The following CELF4 variants were observed in gnomAD, a reference collection of about 807,000 sequenced individuals.
CELF4 encodes the protein CUG-BP- and ETR-3-like factor 4.
CELF4 carries 18 observed loss-of-function variants against 59.9 expected under a neutral mutation model. The observed-to-expected ratio is 0.30, with a 90% CI of 0.21 to 0.45. The LOEUF (loss-of-function observed/expected upper bound fraction) is 0.45, where lower values mean the gene tolerates loss of function less well. CELF4 is among the 20% of genes least tolerant of loss of function. CELF4 has a pLI of 1.00. For synonymous variants in CELF4, 261 were observed against 267.1 expected (o/e 0.98, Z 0.22); for missense variants, 456 against 689.0 (o/e 0.66, Z 3.79).
At chr18:37,375,086 C>T (rs1315111032) in intron 2 of CELF4, among the ~76,000 whole-genome samples, 1 of 152,158 alleles carries the variant, frequency 6.6e-6, no homozygotes, top group African/African-American at 2.4e-5. Flanking sequence ...TTGGCTGCAG[C>T]TGGCCTAGGC....
intron 3 of CELF4, among the ~76,000 whole-genome samples, chr18:37,282,420 C>T (rs930954424): frequency 1.3e-5 from 2 of 152,196 alleles, no homozygotes; most frequent in Non-Finnish European, 2.9e-5. Flanking sequence ...CATGAATTCT[C>T]CCAATCCAGA....
intron 2 of CELF4, among the ~76,000 whole-genome samples, chr18:37,353,229 A>ATAT (rs1210213859): frequency 7.3e-5 from 5 of 68,674 alleles, no homozygotes; most frequent in African/African-American, 2.8e-4. Context: ...TCAAAAAAAA[A>ATAT]AAAAATATAT....
chr18:37,417,556 C>T (rs568396519), intron 2 of CELF4, among the ~76,000 whole-genome samples: 5 of 152,316 alleles, frequency 3.3e-5, no homozygotes, highest in Non-Finnish European at 5.9e-5. Context: ...TTTGGAAGCC[C>T]GTAGGGCAGG....
chr18:37,559,022 G>A (rs1352390423), intron 1 of CELF4, among the ~76,000 whole-genome samples: 1 of 152,036 alleles, frequency 6.6e-6, no homozygotes, highest in Non-Finnish European at 1.5e-5. Context: ...GGTGGGGAAT[G>A]AGGATGGAAC....
intron 2 of CELF4, among the ~76,000 whole-genome samples, chr18:37,351,110 T>TG (rs999541045): frequency 2.6e-5 from 4 of 151,438 alleles, no homozygotes; most frequent in African/African-American, 9.7e-5. Flanking sequence ...AAGGTGCTGG[T>TG]GGGGGAGAGG....
chr18:37,440,032 T>C (rs1256431784), intron 2 of CELF4, among the ~76,000 whole-genome samples: 1 of 152,188 alleles, frequency 6.6e-6, no homozygotes, highest in African/African-American at 2.4e-5. Context: ...TGGCTCCTGC[T>C]TCCTTCATCA....
chr18:37,251,024 G>T (rs1213257393), intron 12 of CELF4, among the ~76,000 whole-genome samples: 1 of 152,192 alleles, frequency 6.6e-6, no homozygotes, highest in African/African-American at 2.4e-5. Flanking sequence ...GTGAGGGTAG[G>T]GTGGGGCTTC....
intron 3 of CELF4, among the ~76,000 whole-genome samples, chr18:37,310,018 G>A (rs1477695353): frequency 6.6e-6 from 1 of 151,368 alleles, no homozygotes; most frequent in African/African-American, 2.4e-5. Flanking sequence ...ATTTGCACTT[G>A]TCAATCAAAC....
chr18:37,404,850 A>C (rs897280155), intron 2 of CELF4, among the ~76,000 whole-genome samples: 2 of 151,964 alleles, frequency 1.3e-5, no homozygotes, highest in African/African-American at 4.8e-5. Flanking sequence ...CACCATTAGC[A>C]CTCATTTTGG....
intron 1 of CELF4, among the ~76,000 whole-genome samples, chr18:37,507,907 C>T (rs1296524818): frequency 1.3e-5 from 2 of 152,170 alleles, no homozygotes; most frequent in South Asian, 2.1e-4. Context: ...TCAGCACCCC[C>T]GAGCCAGAAA....
intron 2 of CELF4, among the ~76,000 whole-genome samples, chr18:37,403,178 C>T (rs912415989): frequency 6.7e-6 from 1 of 150,058 alleles, no homozygotes; most frequent in Non-Finnish European, 1.5e-5. Context: ...TGGGGGAGGG[C>T]GGGCCAGCCA....
chr18:37,400,573 G>C (rs2099314327), intron 2 of CELF4, among the ~76,000 whole-genome samples: 1 of 152,284 alleles, frequency 6.6e-6, no homozygotes, highest in Non-Finnish European at 1.5e-5. Flanking sequence ...TCCATCCGTT[G>C]GTCTTCAAAC....
chr18:37,321,996 C>T (rs990503725), intron 2 of CELF4, 115 bp from the exon 3 acceptor site: 123 of 691,444 alleles, frequency 1.8e-4, no homozygotes, highest in African/African-American at 9.3e-4. Flanking sequence ...CACAGACACG[C>T]GCTCCCACAA....
At chr18:37,420,502 G>A (rs920221846) in intron 2 of CELF4, among the ~76,000 whole-genome samples, 1 of 152,212 alleles carries the variant, frequency 6.6e-6, no homozygotes, top group Non-Finnish European at 1.5e-5. Context: ...ATGGAACTGT[G>A]TGAGCCAACG....
chr18:37,305,743 G>A (rs1199993061), intron 3 of CELF4: 2 of 152,256 alleles, frequency 1.3e-5, no homozygotes, highest in African/African-American at 4.8e-5. Flanking sequence ...CTAAGTCATG[G>A]TCTGGGGGAA....
intron 2 of CELF4, among the ~76,000 whole-genome samples, chr18:37,476,465 G>A (rs988142948): frequency 1.3e-5 from 2 of 152,140 alleles, no homozygotes; most frequent in African/African-American, 2.4e-5. Context: ...AAACTACGGC[G>A]CCCTAGAGAG....
intron 2 of CELF4, among the ~76,000 whole-genome samples, chr18:37,392,515 G>A (rs1397913050): frequency 1.3e-5 from 2 of 152,178 alleles, no homozygotes; most frequent in African/African-American, 2.4e-5. Flanking sequence ...AAGAGGCAGC[G>A]CTCACTGCAA....
chr18:37,349,538 G>A (rs1352281246), intron 2 of CELF4, among the ~76,000 whole-genome samples: 1 of 152,192 alleles, frequency 6.6e-6, no homozygotes, highest in Non-Finnish European at 1.5e-5. Flanking sequence ...AGAAGGCAAT[G>A]GAAAAGACAC....
In CELF4 at chr18:37,254,611, C is replaced by G. The variant is rs1241319688; in HGVS notation, c.1334-673G>C. On this transcript the variant is annotated intron_variant, in intron 11 of 12. Transcript: ENST00000420428. This position sits in a 1 kb window ranked among gnomAD's most constrained non-coding sequence, Gnocchi z 5.1. Reference sequence around the variant, plus strand: ...CGCCCCGGGCGCCGTCGGCACCTCTCTTCTCCACGCCCTGCGCCGTGGACT... The same window carrying G: ...CGCCCCGGGCGCCGTCGGCACCTCTGTTCTCCACGCCCTGCGCCGTGGACT... 2.0e-5 allele frequency among the ~76,000 whole-genome samples: 3 copies of G among 152,218 alleles called. No homozygotes were observed. The highest frequency in any genetic ancestry group is 4.4e-5 in the Non-Finnish European group (3 of 68,026).
Sources: allele counts gnomAD v4.1 joint callset (sites outside exome capture counted in the v4.1 genomes callset), GRCh38; gene constraint gnomAD v4.1.1; non-coding constraint Gnocchi (gnomAD v3.1); transcripts MANE v1.5; gene names NCBI Gene and HGNC (gene_info 2026-07-23, HGNC 2026-07-21).